The following ZNF407 variants were observed in gnomAD, a reference collection of about 807,000 sequenced individuals.
ZNF407 encodes the protein zinc finger protein 407.
A neutral mutation model predicts 131.2 loss-of-function variants in ZNF407; 17 were observed. That is an observed-to-expected ratio of 0.13 (90% CI 0.09 to 0.19). The LOEUF (loss-of-function observed/expected upper bound fraction) is 0.19. ZNF407 is among the 10% of genes least tolerant of loss of function. The pLI is 1.00. For missense variants in ZNF407, 2,681 were observed against 2,830.6 expected (o/e 0.95, Z 1.20); for synonymous variants, 1,156 against 1,062.0 (o/e 1.09, Z -1.72).
Position 74,916,392 on chromosome 18 carries a change from C to T in ZNF407, c.5250-4122C>T, listed in dbSNP as rs541595310. Among the ~76,000 whole-genome samples, 226 of 94,488 alleles carry T rather than the reference C, an allele frequency of 2.4e-3. 6 individuals carry two copies. The highest frequency in any genetic ancestry group is 0.011 in the African/African-American group (211 of 18,950). The allele number at this position is 94,488 out of a possible 152,430, so 62.0% of individuals were successfully genotyped here. A position where few individuals can be genotyped will look rare whatever the true frequency, so the allele number is the denominator to read the frequency against. ...TGTGCTGGTATGGTGAGGTTGTGTG[C>T]AGTATTGGTTCGAATCGGGAGTGTG... is the stretch of plus-strand genomic sequence containing the variant. On this transcript the variant is annotated intron_variant, in intron 7 of 8. Transcript: ENST00000299687.
chr18:74,783,461 T>C (rs1969645726), intron 4 of ZNF407, among the ~76,000 whole-genome samples: 1 of 152,126 alleles, frequency 6.6e-6, no homozygotes, highest in Admixed American at 6.6e-5. Flanking sequence ...TCCCCATATA[T>C]GTGCATGTAT....
chr18:74,911,580 A>G (rs1971671642), intron 7 of ZNF407, among the ~76,000 whole-genome samples: 1 of 152,124 alleles, frequency 6.6e-6, no homozygotes, highest in Non-Finnish European at 1.5e-5. Context: ...TATATTACAT[A>G]AGGGGGTTTG....
At chr18:74,735,323 A>G (rs1968387515) in intron 3 of ZNF407, among the ~76,000 whole-genome samples, 1 of 152,224 alleles carries the variant, frequency 6.6e-6, no homozygotes, top group African/African-American at 2.4e-5. Flanking sequence ...TAAGATTGGC[A>G]AGTGGTCCTC....
At chr18:74,614,585 G>T (rs1422547638) in intron 1 of ZNF407, among the ~76,000 whole-genome samples, 6 of 152,216 alleles carry the variant, frequency 3.9e-5, no homozygotes, top group African/African-American at 1.4e-4. Flanking sequence ...TAGTCCAGTG[G>T]TTCCCAAAAC....
chr18:74,603,660 C>A (rs1173752066), intron 1 of ZNF407, among the ~76,000 whole-genome samples: 12 of 152,220 alleles, frequency 7.9e-5, no homozygotes. Flanking sequence ...ACAATAGATT[C>A]ATTCCACATC....
chr18:75,011,562 A>C (rs1215150085), intron 8 of ZNF407, among the ~76,000 whole-genome samples: 2 of 152,180 alleles, frequency 1.3e-5, no homozygotes, highest in Non-Finnish European at 2.9e-5. Context: ...CAGTGATAAA[A>C]GTAAGTAGTA....
At chr18:75,016,118 C>T (rs972907938) in intron 8 of ZNF407, among the ~76,000 whole-genome samples, 3 of 151,842 alleles carry the variant, frequency 2.0e-5, no homozygotes, top group Admixed American at 6.6e-5. Context: ...TGAGTAGTGC[C>T]GTCAATCCCA....
intron 8 of ZNF407, among the ~76,000 whole-genome samples, chr18:75,009,826 A>G (rs561222558): frequency 3.8e-4 from 58 of 152,268 alleles, no homozygotes; most frequent in African/African-American, 1.4e-3. Context: ...ACCCCACTAC[A>G]CTACACTGCC....
intron 4 of ZNF407, among the ~76,000 whole-genome samples, chr18:74,874,590 A>T (rs1971130717): frequency 6.6e-6 from 1 of 152,072 alleles, no homozygotes; most frequent in Middle Eastern, 3.2e-3. Context: ...GGGACTGTGC[A>T]TCTCCCGTCT....
intron 1 of ZNF407, among the ~76,000 whole-genome samples, chr18:74,611,991 C>T (rs757984674): frequency 2.0e-5 from 3 of 152,068 alleles, no homozygotes; most frequent in East Asian, 1.9e-4. Flanking sequence ...GGAGCAATGT[C>T]CATCAGAGGA....
At chr18:74,606,084 G>A (rs547477708) in intron 1 of ZNF407, among the ~76,000 whole-genome samples, 1 of 152,214 alleles carries the variant, frequency 6.6e-6, no homozygotes, top group East Asian at 1.9e-4. Context: ...CTAGCGGCGG[G>A]CCTGGGCCTG....
chr18:74,726,963 A>G (rs1362240343), intron 3 of ZNF407, among the ~76,000 whole-genome samples: 2 of 152,162 alleles, frequency 1.3e-5, no homozygotes, highest in Non-Finnish European at 2.9e-5. Context: ...GTGGACAAGT[A>G]TAGGGCTTTT....
At chr18:74,798,982 A>G (rs1267583602) in intron 4 of ZNF407, among the ~76,000 whole-genome samples, 2 of 152,106 alleles carry the variant, frequency 1.3e-5, no homozygotes, top group Non-Finnish European at 2.9e-5. Context: ...ATATTTTTAA[A>G]TGAATTAAAC....
chr18:74,858,859 A>G (rs778241499), intron 4 of ZNF407, among the ~76,000 whole-genome samples: 6 of 152,170 alleles, frequency 3.9e-5, no homozygotes, highest in South Asian at 2.1e-4. Context: ...GGAAAGGACA[A>G]TCAGACACAT....
At chr18:74,768,576 A>G (rs1223613488) in intron 3 of ZNF407, among the ~76,000 whole-genome samples, 3 of 152,324 alleles carry the variant, frequency 2.0e-5, no homozygotes, top group East Asian at 1.9e-4. Context: ...TAATTTATTA[A>G]TAGCCATAAT....
chr18:74,886,683 T>G (rs1971314751), intron 6 of ZNF407, among the ~76,000 whole-genome samples: 1 of 152,170 alleles, frequency 6.6e-6, no homozygotes, highest in African/African-American at 2.4e-5. Context: ...GTGTATAAAT[T>G]GCTAGGAAAT....
intron 3 of ZNF407, among the ~76,000 whole-genome samples, chr18:74,768,806 G>A (rs1156732962): frequency 6.6e-6 from 1 of 151,812 alleles, no homozygotes; most frequent in Non-Finnish European, 1.5e-5. Flanking sequence ...TACCCTCTTT[G>A]GCCATAGTGT....
rs1236573941 is a variant in ZNF407 at position 74,633,501 on chromosome 18, A to T, written c.2482A>T (p.Thr828Ser). 3.1e-6 allele frequency: 5 copies of T among 1,613,910 alleles called. No individual in the cohort carries two copies. The highest frequency in any genetic ancestry group is 4.2e-6 in the Non-Finnish European group (5 of 1,179,890). ...SEELSQSGGSTKDDELASTTT... is the reference protein window; with the variant it reads ...SEELSQSGGSSKDDELASTTT... ...GGAACTGTCACAGTCTGGTGGTAGC[A>T]CCAAAGATGATGAATTAGCTTCAAC... is the stretch of plus-strand genomic sequence containing the variant. The change falls in exon 2 of 9, where the codon ACC becomes TCC. Residue 828 changes from threonine (T) to serine (S), a missense_variant. Physicochemically the swap from Thr to Ser is moderately conservative, Grantham distance 58. This residue lies in a region of ZNF407 where 1,789 missense variants were observed against 1,748.7 expected (regional missense o/e 1.02). Coordinates refer to ENST00000299687, the MANE Select transcript of ZNF407 (RefSeq NM_017757.3).
rs780710666 is a variant in ZNF407 at position 74,635,070 on chromosome 18, T to C, written c.4051T>C (p.Tyr1351His). The C allele has an allele frequency of 3.7e-5, 60 of 1,613,870 alleles. No individual in the cohort carries two copies. The highest frequency in any genetic ancestry group is 4.8e-5 in the Non-Finnish European group (57 of 1,179,902). ...TATTGATGATAAAGGGCAGGCCATG[T>C]ACAGTTTTGGTCGATTTGACTCCTC... is the stretch of plus-strand genomic sequence containing the variant. ...ISIDDKGQAM[Y>H]SFGRFDSSII... Residue 1351 changes from tyrosine (Y) to histidine (H), a missense_variant, in exon 2 of 9, where the codon TAC (tyrosine) becomes CAC (histidine). By Grantham distance (83) the Tyr-to-His change is moderately conservative. Coordinates refer to ENST00000299687, the MANE Select transcript of ZNF407 (RefSeq NM_017757.3). This position sits in a 1 kb window ranked among gnomAD's most constrained non-coding sequence, Gnocchi z 4.7.
Sources: gnomAD v4.1 joint callset for allele counts (sites outside exome capture counted in the v4.1 genomes callset) on GRCh38, gnomAD v4.1.1 for gene constraint, gnomAD v4.1.1 regional missense constraint, Gnocchi (gnomAD v3.1) non-coding constraint, MANE v1.5 for transcripts, NCBI Gene and HGNC (gene_info 2026-07-23, HGNC 2026-07-21) for gene names.